LHFPL6: variants seen among roughly 807,000 people sequenced by gnomAD.
The protein encoded by LHFPL6 is LHFPL tetraspan subfamily member 6 protein.
A neutral mutation model predicts 20.6 loss-of-function variants in LHFPL6; 9 were observed. The ratio of observed to expected loss-of-function variants is 0.44; its 90% CI spans 0.26 to 0.76. The LOEUF is 0.76. Among genes scored for constraint, LHFPL6 ranks in the 30% least tolerant of loss-of-function variants. The pLI, the probability that LHFPL6 is intolerant of heterozygous loss-of-function variation, is 0.20. For synonymous variants in LHFPL6, 105 were observed against 98.7 expected (o/e 1.06, Z -0.38); for missense variants, 218 against 253.5 (o/e 0.86, Z 0.95).
At chr13:39,382,398 TTTGG>T (rs1319915746) in intron 2 of LHFPL6, among the ~76,000 whole-genome samples, 2 of 152,044 alleles carry the variant, frequency 1.3e-5, no homozygotes. Context: ...TTTTTGTTTG[TTTGG>T]TTGTTTTGTT....
At chr13:39,523,292 A>G (rs886355777) in intron 2 of LHFPL6, among the ~76,000 whole-genome samples, 27 of 152,286 alleles carry the variant, frequency 1.8e-4, no homozygotes, top group African/African-American at 5.8e-4. Context: ...AGTGCAGGCC[A>G]GGCGCGGTGG....
chr13:39,352,972 C>CATATATAT (rs374747296), intron 3 of LHFPL6, among the ~76,000 whole-genome samples: 10 of 69,138 alleles, frequency 1.4e-4, no homozygotes, highest in East Asian at 1.1e-3. Flanking sequence ...CACACACACA[C>CATATATAT]ATATATATAT....
At chr13:39,539,078 G>T (rs1421589598) in intron 2 of LHFPL6, among the ~76,000 whole-genome samples, 1 of 152,086 alleles carries the variant, frequency 6.6e-6, no homozygotes, top group Non-Finnish European at 1.5e-5. Context: ...AAACACAGAG[G>T]GACTCACAGG....
intron 2 of LHFPL6, among the ~76,000 whole-genome samples, chr13:39,455,488 C>T (rs1243280389): frequency 6.6e-6 from 1 of 152,146 alleles, no homozygotes. Flanking sequence ...ATACCAAATC[C>T]CATCTTCCAT....
At chr13:39,594,888 G>GTTCTCACACC (rs1051424288) in intron 2 of LHFPL6, among the ~76,000 whole-genome samples, 1 of 152,116 alleles carries the variant, frequency 6.6e-6, no homozygotes, top group African/African-American at 2.4e-5. Context: ...AACACCGCAT[G>GTTCTCACACC]TTCTCACTCA....
intron 2 of LHFPL6, among the ~76,000 whole-genome samples, chr13:39,490,310 G>A (rs958867615): frequency 6.6e-6 from 1 of 152,144 alleles, no homozygotes; most frequent in Non-Finnish European, 1.5e-5. Flanking sequence ...CAATACAAGC[G>A]CAAACCAAGA....
intron 2 of LHFPL6, among the ~76,000 whole-genome samples, chr13:39,428,834 C>A (rs767068939): frequency 6.6e-6 from 1 of 152,174 alleles, no homozygotes; most frequent in Non-Finnish European, 1.5e-5. Context: ...AAATATTGCT[C>A]TAGCAGCATC....
chr13:39,452,011 A>T (rs1230107708), intron 2 of LHFPL6, among the ~76,000 whole-genome samples: 1 of 152,212 alleles, frequency 6.6e-6, no homozygotes. Context: ...GAACTGAATG[A>T]ATATGATCTT....
chr13:39,566,718 G>A (rs1871728312), intron 2 of LHFPL6, among the ~76,000 whole-genome samples: 1 of 107,878 alleles, frequency 9.3e-6, no homozygotes, highest in Non-Finnish European at 1.7e-5. Context: ...GGGCAACAGA[G>A]CAAGACCCTG....
At chr13:39,565,859 C>A (rs1047595034) in intron 2 of LHFPL6, among the ~76,000 whole-genome samples, 4 of 152,176 alleles carry the variant, frequency 2.6e-5, no homozygotes, top group Admixed American at 6.5e-5. Flanking sequence ...ACCCACTGTA[C>A]GTGGGGATTC....
intron 2 of LHFPL6, among the ~76,000 whole-genome samples, chr13:39,579,699 A>C (rs1052247277): frequency 2.6e-5 from 4 of 152,172 alleles, no homozygotes; most frequent in Non-Finnish European, 4.4e-5. Flanking sequence ...AAAGCTCCGA[A>C]ACCCCTCAAT....
intron 2 of LHFPL6, among the ~76,000 whole-genome samples, chr13:39,571,489 T>C (rs778911027): frequency 3.3e-5 from 5 of 152,192 alleles, no homozygotes; most frequent in Admixed American, 6.5e-5. Context: ...TCAGGGAAGA[T>C]GACCTGCCCT....
intron 2 of LHFPL6, among the ~76,000 whole-genome samples, chr13:39,594,303 G>A (rs11838887): frequency 0.018 from 2,693 of 152,222 alleles, 37 homozygotes; most frequent in Non-Finnish European, 0.029. Context: ...AAAAGTGGGC[G>A]AAGGACATGA....
intron 3 of LHFPL6, among the ~76,000 whole-genome samples, chr13:39,352,035 T>C (rs950427903): frequency 5.3e-5 from 8 of 152,240 alleles, no homozygotes; most frequent in African/African-American, 1.9e-4. Flanking sequence ...ATGCCCATGT[T>C]CAACAGCATG....
At chr13:39,549,573 CA>C (rs1871087444) in intron 2 of LHFPL6, among the ~76,000 whole-genome samples, 1 of 152,016 alleles carries the variant, frequency 6.6e-6, no homozygotes, top group South Asian at 2.1e-4. Flanking sequence ...CTGGTAGAAA[CA>C]AAAAATGGTA....
chr13:39,558,296 G>A (rs774288096), intron 2 of LHFPL6, among the ~76,000 whole-genome samples: 5 of 152,068 alleles, frequency 3.3e-5, no homozygotes, highest in South Asian at 2.1e-4. Context: ...TTCCTGCCTC[G>A]CGGTAGGGAA....
intron 2 of LHFPL6, among the ~76,000 whole-genome samples, chr13:39,517,788 A>C (rs1023112591): frequency 5.3e-5 from 8 of 152,120 alleles, no homozygotes; most frequent in Non-Finnish European, 1.0e-4. Context: ...TCAGCCTCCC[A>C]TGGCACTGGG....
At chr13:39,515,514 G>T (rs758079605) in intron 2 of LHFPL6, among the ~76,000 whole-genome samples, 1 of 152,152 alleles carries the variant, frequency 6.6e-6, no homozygotes, top group Non-Finnish European at 1.5e-5. Flanking sequence ...AAAGGCTGTC[G>T]CCTTTCTCCT....
At chr13:39,568,678 A>T (rs1028180030) in intron 2 of LHFPL6, among the ~76,000 whole-genome samples, 1 of 152,238 alleles carries the variant, frequency 6.6e-6, no homozygotes, top group South Asian at 2.1e-4. Flanking sequence ...TGCATGATGC[A>T]TAACTCAAAA....
Sources: allele counts gnomAD v4.1 joint callset (sites outside exome capture counted in the v4.1 genomes callset), GRCh38; gene constraint gnomAD v4.1.1; transcripts MANE v1.5; gene names NCBI Gene and HGNC (gene_info 2026-07-23, HGNC 2026-07-21).